Variants in ERI2 observed in about 807,000 individuals in gnomAD.
ERI2 encodes ERI1 exoribonuclease 2.
A neutral mutation model predicts 46.8 loss-of-function variants in ERI2; 35 were observed. The ratio of observed to expected loss-of-function variants is 0.75; its 90% CI spans 0.57 to 0.99. The LOEUF (loss-of-function observed/expected upper bound fraction) is 0.99. ERI2 is among the 50% of genes least tolerant of loss of function. The pLI, the probability that ERI2 is intolerant of heterozygous loss-of-function variation, is 0.00. For missense variants in ERI2, 695 were observed against 796.2 expected (o/e 0.87, Z 1.53); for synonymous variants, 224 against 271.0 (o/e 0.83, Z 1.70).
In ERI2 at chr16:20,802,896, G is replaced by A; in HGVS notation, c.203C>T (p.Thr68Ile). ...IIEFPAVLLN[T>I]STGQIDSEFQ... is the part of the protein sequence containing the mutation. ...CTCAGAGTCAATCTGTCCAGTTGAT[G>A]TGTTCAGCAACACTGCTGGAAACTC... Residue 68 changes from threonine (T) to isoleucine (I), a missense_variant, in exon 4 of 9, where the codon ACA becomes ATA. By Grantham distance (89) the Thr-to-Ile change is moderately conservative. Coordinates refer to ENST00000357967, the MANE Select transcript of ERI2 (RefSeq NM_001142725.2). 1.2e-6 allele frequency: 2 copies of A among 1,608,658 alleles called. No homozygotes were observed. The highest frequency in any genetic ancestry group is 1.1e-5 in the South Asian group (1 of 90,342).
downstream of ERI2, chr16:20,792,530 C>T: frequency 2.0e-6 from 2 of 985,360 alleles, no homozygotes; most frequent in Non-Finnish European, 2.4e-6. Context: ...TCCTAACAGA[C>T]AAACAAAATA....
chr16:20,780,810 T>C, intron 10 of ERI2: 1 of 1,614,232 alleles, frequency 6.2e-7, no homozygotes, highest in Non-Finnish European at 8.5e-7. Flanking sequence ...CGAAAATGAC[T>C]GCACACACCC....
At chr16:20,805,224 G>A (rs143453148) in intron 1 of ERI2, among the ~76,000 whole-genome samples, 2,485 of 152,148 alleles carry the variant, frequency 0.016, 24 homozygotes, top group Non-Finnish European at 0.027. Flanking sequence ...TCGGGAGTTC[G>A]AGAACAGTCT....
downstream of ERI2, among the ~76,000 whole-genome samples, chr16:20,794,809 C>T (rs890317426): frequency 5.9e-5 from 9 of 152,192 alleles, no homozygotes; most frequent in African/African-American, 2.2e-4. Flanking sequence ...TCCAACATTA[C>T]ACAACAAACT....
Position 20,790,460 on chromosome 16 carries a change from C to G in ERI2, c.815+390G>C. On this transcript the variant is annotated intron_variant, in intron 9 of 10. Transcript: ENST00000300005. This position sits in a 1 kb window ranked among gnomAD's most constrained non-coding sequence, Gnocchi z 4.0. ...TGACAAAGTGAGACCTTGTCTCACA[C>G]ACACAAAATTTTTTTTAAGTCTTCA... 1 of 859,616 alleles carries G rather than the reference C, an allele frequency of 1.2e-6. No homozygotes were observed. The highest frequency in any genetic ancestry group is 1.8e-6 in the Non-Finnish European group (1 of 549,382). The allele number at this position is 859,616 out of a possible 1,614,324, so 53.2% of individuals were successfully genotyped here.
chr16:20,804,189 G>C (rs1359802547), intron 1 of ERI2, among the ~76,000 whole-genome samples: 1 of 151,990 alleles, frequency 6.6e-6, no homozygotes, highest in African/African-American at 2.4e-5. Context: ...TTGTTTTACA[G>C]TAATACTGAG....
chr16:20,789,419 A>G (rs1288118157), intron 10 of ERI2: 1 of 1,229,342 alleles, frequency 8.1e-7, no homozygotes, highest in African/African-American at 1.5e-5. Context: ...ACTGGTAGAC[A>G]CTTCAGGGAA....
intron 6 of ERI2, 78 bp from the exon 7 acceptor site, chr16:20,800,116 T>C (rs1170237818): frequency 2.0e-6 from 2 of 998,096 alleles, no homozygotes; most frequent in South Asian, 1.5e-5. Context: ...TCATAATTTT[T>C]AGTTCTATTA....
At chr16:20,782,004 G>A (rs1034884592) in intron 10 of ERI2, among the ~76,000 whole-genome samples, 1 of 152,186 alleles carries the variant, frequency 6.6e-6, no homozygotes, top group African/African-American at 2.4e-5. Context: ...TGAGGGTTCA[G>A]CTATGTTTAT....
rs544300480 is a variant in ERI2, at chr16:20,799,336, C to T, written c.659G>A (p.Arg220Gln). The change falls in exon 8 of 9, where the codon CGG (arginine) becomes CAG (glutamine). Residue 220 changes from arginine (R) to glutamine (Q), a missense_variant. Transcript: ENST00000357967. ...GREHSGLDDSRNTALLAWKMI... is the reference protein window; with the variant it reads ...GREHSGLDDSQNTALLAWKMI... ...TTTCCAAGCAAGAAGGGCAGTATTC[C>T]GAGAATCGTCCAACCCTGAGGATAC... 1.5e-5 allele frequency: 24 copies of T among 1,613,502 alleles called. No individual in the cohort carries two copies. In the African/African-American group the frequency reaches 2.1e-4, roughly 14 times the overall value.
chr16:20,797,338 G>T lies in ERI2; in HGVS notation c.*386C>A. ...TATACAAATCAGAACCAATGTTCAA[G>T]CCTGAAATAAAACTAAAGAACTTAT... On this transcript the variant is annotated 3_prime_UTR_variant, in exon 9 of 9. Transcript: ENST00000357967. 1 of 1,005,866 alleles carries T rather than the reference G, an allele frequency of 9.9e-7. No homozygotes were observed. Among genetic ancestry groups the T allele is most frequent in the East Asian group, 9.7e-5 (1 of 10,330 alleles). 62.3% of individuals were successfully genotyped at this position (1,005,866 alleles called of 1,614,324 possible).
Position 20,797,176 on chromosome 16 carries a change from T to C in ERI2, c.*548A>G, listed in dbSNP as rs947076829. On this transcript the variant is annotated 3_prime_UTR_variant, in exon 9 of 9. Transcript: ENST00000357967. Reference sequence around the variant, plus strand: ...TCCTCCACATTAGTGTCAATGTTCCTATCATTTCTTAATATAAAAATAATA... The same window carrying C: ...TCCTCCACATTAGTGTCAATGTTCCCATCATTTCTTAATATAAAAATAATA... 4 of 1,292,768 alleles carry C rather than the reference T, an allele frequency of 3.1e-6. No homozygotes were observed. Among genetic ancestry groups the C allele is most frequent in the Admixed American group, 4.0e-5 (1 of 24,908 alleles). The allele number at this position is 1,292,768 out of a possible 1,614,324, so 80.1% of individuals were successfully genotyped here.
intron 10 of ERI2, chr16:20,781,878 C>A (rs938088696): frequency 6.8e-5 from 66 of 965,434 alleles, no homozygotes; most frequent in East Asian, 7.7e-5. Context: ...AACATAGCTC[C>A]AAGCCAGTAG....
intron 10 of ERI2, among the ~76,000 whole-genome samples, chr16:20,788,879 T>A (rs2080532277): frequency 6.6e-6 from 1 of 152,216 alleles, no homozygotes; most frequent in South Asian, 2.1e-4. Flanking sequence ...ATTTTTTTAT[T>A]TGCAAGAGCT....
chr16:20,793,790 G>C (rs930125585), downstream of ERI2, among the ~76,000 whole-genome samples: 3 of 152,234 alleles, frequency 2.0e-5, no homozygotes, highest in African/African-American at 7.2e-5. Flanking sequence ...GGTTTCACGA[G>C]TCTTAGCTCT....
At chr16:20,788,597 A>G (rs950817350) in intron 10 of ERI2, among the ~76,000 whole-genome samples, 2 of 152,158 alleles carry the variant, frequency 1.3e-5, no homozygotes, top group African/African-American at 4.8e-5. Context: ...ATGTGTTCCA[A>G]CCAGGTGAAT....
At chr16:20,783,432 T>C (rs1451825809) in intron 10 of ERI2, 1 of 152,174 alleles carries the variant, frequency 6.6e-6, no homozygotes, top group Non-Finnish European at 1.5e-5. Context: ...TGGGCTGCCC[T>C]AATCCAAAAA....
intron 10 of ERI2, among the ~76,000 whole-genome samples, chr16:20,782,750 TG>T (rs779200247): frequency 6.6e-6 from 1 of 152,190 alleles, no homozygotes; most frequent in Non-Finnish European, 1.5e-5. Context: ...GACCCTTCCT[TG>T]GGTTTAGTAA....
chr16:20,799,157 G>A (rs1236412073), intron 8 of ERI2, 90 bp from the exon 9 acceptor site: 7 of 1,509,024 alleles, frequency 4.6e-6, no homozygotes, highest in Non-Finnish European at 6.2e-6. Flanking sequence ...AAAGAGAAAT[G>A]TCATTGATTT....
Sources: allele counts gnomAD v4.1 joint callset (sites outside exome capture counted in the v4.1 genomes callset), GRCh38; gene constraint gnomAD v4.1.1; non-coding constraint Gnocchi (gnomAD v3.1); transcripts MANE v1.5; gene names NCBI Gene and HGNC (gene_info 2026-07-23, HGNC 2026-07-21).